The following CRB1 variants were observed in gnomAD, a reference collection of about 807,000 sequenced individuals.
CRB1 encodes the protein crumbs cell polarity complex component 1.
CRB1 carries 83 observed loss-of-function variants against 120.0 expected under a neutral mutation model. That is an observed-to-expected ratio of 0.69 (90% CI 0.58 to 0.83). CRB1 has a LOEUF of 0.83. CRB1 is among the 40% of genes least tolerant of loss of function. The pLI is 0.00. For missense variants in CRB1, 1,699 were observed against 1,687.6 expected (o/e 1.01, Z -0.12); for synonymous variants, 625 against 612.5 (o/e 1.02, Z -0.30).
chr1:197,441,859 C>A (rs1045072392), intron 10 of CRB1: 1 of 375,246 alleles, frequency 2.7e-6, no homozygotes, highest in Non-Finnish European at 5.0e-6. Context: ...TGCTCTTGAG[C>A]ATTGACACTG....
intron 1 of CRB1, among the ~76,000 whole-genome samples, chr1:197,317,058 A>C (rs1289216584): frequency 6.6e-6 from 1 of 152,228 alleles, no homozygotes; most frequent in Non-Finnish European, 1.5e-5. Context: ...AGAAGAAATA[A>C]TATTGTTAAA....
At position 197,268,388 on chromosome 1, in the gene CRB1, C is replaced by T; in HGVS notation, c.-25C>T. 1 of 1,565,226 alleles carries T rather than the reference C, an allele frequency of 6.4e-7. No homozygotes were observed. Among genetic ancestry groups the T allele is most frequent in the Non-Finnish European group, 8.8e-7 (1 of 1,135,834 alleles). ...TGGGACCAGACCACCAGCAACACACCAGAGGATGTTCTCTAAATAAGACCA... is the reference window on the plus strand; with the variant it reads ...TGGGACCAGACCACCAGCAACACACTAGAGGATGTTCTCTAAATAAGACCA... On this transcript the variant is annotated 5_prime_UTR_variant, in exon 1 of 12. Coordinates refer to ENST00000367400, the MANE Select transcript of CRB1 (RefSeq NM_201253.3).
intron 5 of CRB1, among the ~76,000 whole-genome samples, chr1:197,359,994 C>T (rs549793746): frequency 3.9e-5 from 6 of 151,902 alleles, no homozygotes; most frequent in Non-Finnish European, 7.4e-5. Flanking sequence ...AGACCCTGGG[C>T]GTTTTTTGTG....
intron 9 of CRB1, 68 bp from the exon 10 acceptor site, chr1:197,438,479 A>C: frequency 6.3e-7 from 1 of 1,593,034 alleles, no homozygotes; most frequent in Admixed American, 1.7e-5. Flanking sequence ...ACATGAATTT[A>C]TCAGAAAACT....
intron 2 of CRB1, among the ~76,000 whole-genome samples, chr1:197,332,079 G>A (rs1333304508): frequency 6.6e-6 from 1 of 152,130 alleles, no homozygotes; most frequent in Non-Finnish European, 1.5e-5. Context: ...GGCAGAGGTT[G>A]CAGTGAGCTG....
intron 7 of CRB1, among the ~76,000 whole-genome samples, chr1:197,428,481 A>G (rs905434469): frequency 6.6e-6 from 1 of 152,236 alleles, no homozygotes; most frequent in Non-Finnish European, 1.5e-5. Flanking sequence ...ATAATTTCTC[A>G]AAGCCCAAGC....
chr1:197,268,406 T>A lies in CRB1; in HGVS notation c.-7T>A. The A allele has an allele frequency of 6.2e-7, 1 of 1,602,124 alleles. No individual in the cohort carries two copies. Among genetic ancestry groups the A allele is most frequent in the African/African-American group, 1.3e-5 (1 of 74,726 alleles). On this transcript the variant is annotated 5_prime_UTR_variant, in exon 1 of 12. The change abolishes the stop of an existing upstream ORF in the 5' untranslated region. Transcript: ENST00000367400. Reference sequence around the variant, plus strand: ...AACACACCAGAGGATGTTCTCTAAATAAGACCATGGCACTTAAGAACATTA... The same window carrying A: ...AACACACCAGAGGATGTTCTCTAAAAAAGACCATGGCACTTAAGAACATTA...
chr1:197,474,931 A>G (rs990508423), intron 11 of CRB1, among the ~76,000 whole-genome samples: 1 of 152,166 alleles, frequency 6.6e-6, no homozygotes, highest in African/African-American at 2.4e-5. Context: ...TGACCTTTCA[A>G]GCCCAACTCT....
Position 197,285,815 on chromosome 1 carries a change from G to A in CRB1, c.70+17333G>A, listed in dbSNP as rs144618224. 7.9e-5 allele frequency among the ~76,000 whole-genome samples: 12 copies of A among 152,006 alleles called. No homozygotes were observed. In the East Asian group the frequency reaches 2.1e-3, roughly 27 times the overall value. Reference sequence around the variant, plus strand: ...CCATGCCAGGGGAAACACACATGCTGAGTAAATAATGAAAGAGAATCAACT... The same window carrying A: ...CCATGCCAGGGGAAACACACATGCTAAGTAAATAATGAAAGAGAATCAACT... On this transcript the variant is annotated intron_variant, in intron 1 of 11. Coordinates refer to ENST00000367400, the MANE Select transcript of CRB1 (RefSeq NM_201253.3).
the CRB1 span, among the ~76,000 whole-genome samples, chr1:197,207,366 G>A: frequency 6.6e-6 from 1 of 151,536 alleles, no homozygotes; most frequent in Non-Finnish European, 1.5e-5. Context: ...TTGAGGATTT[G>A]TTCCAAGATT....
chr1:197,378,637 G>A (rs961544440), intron 5 of CRB1, among the ~76,000 whole-genome samples: 1 of 152,150 alleles, frequency 6.6e-6, no homozygotes, highest in African/African-American at 2.4e-5. Flanking sequence ...ATAAGGAAGA[G>A]GGTCTGAATG....
At chr1:197,449,993 T>C (rs1558149358) in intron 11 of CRB1, among the ~76,000 whole-genome samples, 2 of 152,202 alleles carry the variant, frequency 1.3e-5, no homozygotes, top group Non-Finnish European at 2.9e-5. Flanking sequence ...CTAGTTTTAG[T>C]TAACTGGCAT....
At chr1:197,284,749 A>C (rs933983593) in intron 1 of CRB1, among the ~76,000 whole-genome samples, 5 of 151,946 alleles carry the variant, frequency 3.3e-5, no homozygotes, top group African/African-American at 1.2e-4. Flanking sequence ...AAAACTTCAC[A>C]GAATCATTGA....
chr1:197,390,385 G>C (rs574879213), intron 5 of CRB1, among the ~76,000 whole-genome samples: 155 of 152,204 alleles, frequency 1.0e-3, no homozygotes, highest in African/African-American at 3.5e-3. Context: ...CCCTCGCTTA[G>C]TGCCAGCAGT....
intron 5 of CRB1, among the ~76,000 whole-genome samples, chr1:197,371,584 A>G (rs1200984286): frequency 3.3e-5 from 5 of 152,254 alleles, no homozygotes; most frequent in Middle Eastern, 3.4e-3. Context: ...TTACAAGCTC[A>G]TACGTTATCC....
rs538107735 is a variant in CRB1 at position 197,432,811 on chromosome 1, C to A, written c.2843-1895C>A. Reference sequence around the variant, plus strand: ...CTTGGATAGTCAGGGAAAAGCTTCTCAGAGGAGGTGACATTTGAGCGATAT... The same window carrying A: ...CTTGGATAGTCAGGGAAAAGCTTCTAAGAGGAGGTGACATTTGAGCGATAT... On this transcript the variant is annotated intron_variant, in intron 8 of 11. Transcript: ENST00000367400. Among the ~76,000 whole-genome samples the A allele has an allele frequency of 5.3e-4, 81 of 152,144 alleles. 4 individuals are homozygous for A. The South Asian group carries it at 0.017, about 32-fold the overall frequency.
chr1:197,450,782 T>TAAAAAA (rs1665924328), intron 11 of CRB1, among the ~76,000 whole-genome samples: 1 of 1,850 alleles, frequency 5.4e-4, no homozygotes, highest in African/African-American at 1.7e-3. Flanking sequence ...CTACTAAAAA[T>TAAAAAA]ACAAAAAAAA....
At chr1:197,276,481 G>T (rs891542343) in intron 1 of CRB1, among the ~76,000 whole-genome samples, 1 of 151,780 alleles carries the variant, frequency 6.6e-6, no homozygotes, top group Non-Finnish European at 1.5e-5. Flanking sequence ...GAATAGAAGA[G>T]ACCACAATCC....
intron 2 of CRB1, 89 bp from the exon 3 acceptor site, chr1:197,344,192 C>T: frequency 9.9e-6 from 12 of 1,214,488 alleles, no homozygotes; most frequent in Non-Finnish European, 1.3e-5. Flanking sequence ...TTGACAAGTG[C>T]TCTGGTAAAC....
Sources: gnomAD v4.1 joint callset for allele counts (sites outside exome capture counted in the v4.1 genomes callset) on GRCh38, gnomAD v4.1.1 for gene constraint, MANE v1.5 for transcripts, NCBI Gene and HGNC (gene_info 2026-07-23, HGNC 2026-07-21) for gene names.